MCRIP1: variants seen among roughly 807,000 people sequenced by gnomAD.
MCRIP1 encodes MAPK regulated corepressor interacting protein 1.
In MCRIP1, 10 loss-of-function variants were observed where a neutral mutation model predicts 14.4. The ratio of observed to expected loss-of-function variants is 0.70; its 90% CI spans 0.43 to 1.18. The LOEUF is 1.18. Among genes scored for constraint, MCRIP1 ranks in the 50% most tolerant of loss-of-function variants. The pLI is 0.00. For synonymous variants in MCRIP1, 53 were observed against 55.7 expected, an observed-to-expected ratio of 0.95 and a Z score of 0.21; for missense variants, 119 against 135.4, an observed-to-expected ratio of 0.88 and a Z score of 0.60.
chr17:81,826,427 G>T, intron 1 of MCRIP1: 1 of 1,502,530 alleles, frequency 6.7e-7, no homozygotes, highest in Non-Finnish European at 8.9e-7. Flanking sequence ...AGAGGCTGGG[G>T]TGGGAGGACT....
chr17:81,831,527 A>T (rs2038520009), intron 1 of MCRIP1, among the ~76,000 whole-genome samples: 1 of 152,064 alleles, frequency 6.6e-6, no homozygotes, highest in Non-Finnish European at 1.5e-5. Flanking sequence ...CCAGAAAAGC[A>T]CTGGGGACTG....
intron 1 of MCRIP1, chr17:81,826,461 T>TGCA: frequency 1.6e-6 from 2 of 1,279,990 alleles, no homozygotes; most frequent in Non-Finnish European, 2.2e-6. Flanking sequence ...AGGTCAAGGC[T>TGCA]GCAGGGAGCC....
intron 1 of MCRIP1, chr17:81,826,411 C>A: frequency 6.5e-7 from 1 of 1,532,718 alleles, no homozygotes; most frequent in Non-Finnish European, 8.7e-7. Flanking sequence ...GTAGTCCCAG[C>A]TACTCAGAGG....
chr17:81,824,757 G>A (rs936297488), intron 1 of MCRIP1: 1 of 1,426,646 alleles, frequency 7.0e-7, no homozygotes. Context: ...AGGTAGCAGA[G>A]AGCTGGCCAG....
intron 1 of MCRIP1, among the ~76,000 whole-genome samples, chr17:81,830,278 T>C (rs1324759593): frequency 6.6e-6 from 1 of 152,226 alleles, no homozygotes; most frequent in Non-Finnish European, 1.5e-5. Context: ...TGTGGCTCCT[T>C]ATCCAATACG....
intron 2 of MCRIP1, 32 bp downstream of exon 2, chr17:81,824,467 G>A (rs551232852): frequency 1.5e-5 from 23 of 1,535,534 alleles, no homozygotes; most frequent in African/African-American, 2.7e-5. Context: ...AACCCGCCCC[G>A]GTGGAGACCA....
At chr17:81,824,829 C>CGTCTCAGGCTCAGACGTGGAG (rs2038355550) in intron 1 of MCRIP1, 1 of 1,333,876 alleles carries the variant, frequency 7.5e-7, no homozygotes, top group Non-Finnish European at 9.6e-7. Context: ...TGATCCTCCA[C>CGTCTCAGGCTCAGACGTGGAG]GTCTCAGGCT....
intron 1 of MCRIP1, among the ~76,000 whole-genome samples, chr17:81,830,621 G>C (rs950720161): frequency 6.6e-6 from 1 of 152,006 alleles, no homozygotes; most frequent in Non-Finnish European, 1.5e-5. Flanking sequence ...TGGGGGACAA[G>C]AGTGAGACTT....
chr17:81,826,126 C>A (rs544495229), intron 1 of MCRIP1: 319 of 1,481,678 alleles, frequency 2.2e-4, no homozygotes, highest in Middle Eastern at 1.1e-3. Flanking sequence ...GGCCTGGGAT[C>A]CCCCTGCTGG....
chr17:81,824,807 G>A (rs905298065), intron 1 of MCRIP1: 5 of 1,377,486 alleles, frequency 3.6e-6, no homozygotes, highest in Middle Eastern at 2.7e-4. Flanking sequence ...GATCAAGCCC[G>A]CTCAGCGGCC....
intron 1 of MCRIP1, among the ~76,000 whole-genome samples, chr17:81,831,173 C>CAAAA (rs552681742): frequency 8.8e-6 from 1 of 114,052 alleles, no homozygotes; most frequent in South Asian, 2.7e-4. Context: ...CTCTGTCTCT[C>CAAAA]AAAAAAAAAA....
chr17:81,828,020 T>C (rs1048175926), intron 1 of MCRIP1, among the ~76,000 whole-genome samples: 6 of 151,978 alleles, frequency 3.9e-5, no homozygotes, highest in Non-Finnish European at 8.8e-5. Context: ...GACCTCGTGA[T>C]CCATCTGCTT....
At chr17:81,825,251 C>A in intron 1 of MCRIP1, 2 of 1,091,520 alleles carry the variant, frequency 1.8e-6, no homozygotes, top group Non-Finnish European at 2.2e-6. Flanking sequence ...CCGTTTATGG[C>A]CTCCCAGCCC....
At chr17:81,830,723 TAGAA>T (rs923444743) in intron 1 of MCRIP1, among the ~76,000 whole-genome samples, 2 of 148,034 alleles carry the variant, frequency 1.4e-5, no homozygotes, top group African/African-American at 5.0e-5. Context: ...CTGGGCAACA[TAGAA>T]AGAGCCCCAT....
intron 1 of MCRIP1, chr17:81,826,092 T>G (rs2038388585): frequency 6.8e-7 from 1 of 1,476,224 alleles, no homozygotes. Context: ...AGTGGCCACT[T>G]GGCCTTTATG....
At chr17:81,827,832 G>C (rs1479697230) in intron 1 of MCRIP1, among the ~76,000 whole-genome samples, 1 of 142,224 alleles carries the variant, frequency 7.0e-6, no homozygotes, top group Non-Finnish European at 1.5e-5. Context: ...CCAGGGTGGA[G>C]TGCAGTGGCG....
chr17:81,823,666 A>C lies in MCRIP1; in HGVS notation c.128-153T>G, dbSNP rs2038321171. Reference sequence around the variant, plus strand: ...TCCCCCACAGCCCTCTGCCCACCCCAGCCTCACTCACCTGCAGACCCCGTC... The same window carrying C: ...TCCCCCACAGCCCTCTGCCCACCCCCGCCTCACTCACCTGCAGACCCCGTC... On this transcript the variant is annotated intron_variant, in intron 3 of 4. Transcript: ENST00000455127. This position sits in a 1 kb window ranked among gnomAD's most constrained non-coding sequence, Gnocchi z 6.0. 1 of 658,704 alleles carries C rather than the reference A, an allele frequency of 1.5e-6. No homozygotes were observed. 40.8% of individuals were successfully genotyped at this position (658,704 alleles called of 1,614,324 possible).
intron 1 of MCRIP1, among the ~76,000 whole-genome samples, chr17:81,829,489 T>C (rs2038477118): frequency 6.6e-6 from 1 of 152,264 alleles, no homozygotes; most frequent in Non-Finnish European, 1.5e-5. Context: ...CCTCAGTCGC[T>C]ACACCACACC....
rs529471236 is a variant in MCRIP1 at position 81,823,227 on chromosome 17, G to A, written c.*20C>T. 281 of 1,535,420 alleles carry A rather than the reference G, an allele frequency of 1.8e-4. No individual in the cohort carries two copies. Among genetic ancestry groups the A allele is most frequent in the Middle Eastern group, 7.6e-4 (4 of 5,260 alleles). ...CTCGCACCCTGATCTTCCGGAGGCC[G>A]GGGAGGGGCACCGGGCGCTCTAGGA... On this transcript the variant is annotated 3_prime_UTR_variant, in exon 5 of 5. Coordinates refer to ENST00000455127, the MANE Select transcript of MCRIP1 (RefSeq NM_207368.5). The surrounding 1 kb of genome is among the most constrained non-coding windows in gnomAD (Gnocchi z 6.0).
Sources: allele counts gnomAD v4.1 joint callset (sites outside exome capture counted in the v4.1 genomes callset), GRCh38; gene constraint gnomAD v4.1.1; non-coding constraint Gnocchi (gnomAD v3.1); transcripts MANE v1.5; gene names NCBI Gene and HGNC (gene_info 2026-07-23, HGNC 2026-07-21).